Variants in CSMD1 observed in about 807,000 individuals in gnomAD.
CSMD1 encodes the protein CUB and sushi domain-containing protein 1.
In CSMD1, 213 loss-of-function variants were observed where a neutral mutation model predicts 417.5. The observed-to-expected ratio is 0.51, with a 90% CI of 0.46 to 0.57. The LOEUF is 0.57. Ranked by LOEUF, CSMD1 falls within the 20% of genes least tolerant of loss-of-function variation. The probability of loss-of-function intolerance (pLI) is 0.00; values close to 1 mark genes in which losing one functional copy is unlikely to be tolerated. For synonymous variants in CSMD1, 2,862 were observed against 1,736.8 expected (o/e 1.65, Z -16.11); for missense variants, 6,923 against 4,529.7 (o/e 1.53, Z -15.17).
intron 3 of CSMD1, among the ~76,000 whole-genome samples, chr8:4,407,302 G>C (rs555857010): frequency 1.3e-5 from 2 of 152,166 alleles, no homozygotes; most frequent in South Asian, 2.1e-4. Flanking sequence ...TAAAATCACT[G>C]CTATAATATA....
intron 17 of CSMD1, 22 bp downstream of exon 17, chr8:3,396,172 G>C (rs549007680): frequency 6.5e-7 from 1 of 1,549,728 alleles, no homozygotes; most frequent in Non-Finnish European, 8.7e-7. Context: ...CTGCCGGGCT[G>C]TCAAGGGAAG....
At chr8:3,194,753 A>T (rs1796611935) in intron 33 of CSMD1, among the ~76,000 whole-genome samples, 1 of 151,912 alleles carries the variant, frequency 6.6e-6, no homozygotes, top group African/African-American at 2.4e-5. Flanking sequence ...TATAGGCATG[A>T]GCCACCATGA....
At chr8:4,864,702 A>T (rs1802322695) in intron 1 of CSMD1, among the ~76,000 whole-genome samples, 1 of 151,870 alleles carries the variant, frequency 6.6e-6, no homozygotes, top group East Asian at 1.9e-4. Flanking sequence ...GTCTCTGCAG[A>T]AACTACCTTT....
intron 54 of CSMD1, among the ~76,000 whole-genome samples, chr8:2,985,970 G>T (rs28496162): frequency 1.4e-5 from 2 of 142,516 alleles, no homozygotes; most frequent in African/African-American, 5.6e-5. Flanking sequence ...AAGGGGAAGG[G>T]GAAGGGAAAG....
intron 3 of CSMD1, among the ~76,000 whole-genome samples, chr8:4,417,735 C>A (rs1034210705): frequency 1.3e-5 from 2 of 151,934 alleles, no homozygotes; most frequent in Non-Finnish European, 2.9e-5. Context: ...AATTTTGTGA[C>A]TCTAAATCAA....
chr8:3,031,632 C>G (rs930693162), intron 50 of CSMD1, among the ~76,000 whole-genome samples: 1 of 151,836 alleles, frequency 6.6e-6, no homozygotes, highest in African/African-American at 2.4e-5. Flanking sequence ...AGTCTTGGGT[C>G]AAGTGATCCT....
chr8:4,925,926 T>C (rs1563784111), intron 1 of CSMD1, among the ~76,000 whole-genome samples: 1 of 152,214 alleles, frequency 6.6e-6, no homozygotes, highest in Non-Finnish European at 1.5e-5. Context: ...TCCCTGGTCA[T>C]TTGATGCATT....
chr8:4,052,148 C>T (rs147383561), intron 3 of CSMD1, among the ~76,000 whole-genome samples: 2 of 152,030 alleles, frequency 1.3e-5, no homozygotes, highest in African/African-American at 4.8e-5. Context: ...TGGTCTCGAA[C>T]TCCTGACCTG....
chr8:3,261,011 T>C (rs1456871175), intron 26 of CSMD1, among the ~76,000 whole-genome samples: 2 of 151,256 alleles, frequency 1.3e-5, no homozygotes, highest in Non-Finnish European at 2.9e-5. Context: ...AACAAACAAA[T>C]ACCAAAAAAA....
intron 7 of CSMD1, among the ~76,000 whole-genome samples, chr8:3,685,460 G>A (rs1428919539): frequency 6.6e-6 from 1 of 152,114 alleles, no homozygotes; most frequent in Non-Finnish European, 1.5e-5. Context: ...GCTTTAATCG[G>A]ATGCTGCAGC....
rs371423284 is a variant in CSMD1 at position 4,031,875 on chromosome 8, C to G, written c.610+30G>C. 9.1e-5 allele frequency: 143 copies of G among 1,564,080 alleles called. No homozygotes were observed. In the African/African-American group the frequency reaches 1.4e-3, roughly 15 times the overall value. On this transcript the variant is annotated intron_variant, in intron 4 of 69. Transcript: ENST00000635120. ...CAAAACCATTGCCCTGCCCTGGAGTCTGCTCACCAGCCCCCTTGTAGCACT... is the reference window on the plus strand; with the variant it reads ...CAAAACCATTGCCCTGCCCTGGAGTGTGCTCACCAGCCCCCTTGTAGCACT...
chr8:3,143,906 T>C (rs1465723769), intron 40 of CSMD1, among the ~76,000 whole-genome samples: 5 of 152,222 alleles, frequency 3.3e-5, no homozygotes, highest in Non-Finnish European at 7.3e-5. Context: ...CAGAGGGCAG[T>C]ACTTTGTAAA....
intron 26 of CSMD1, among the ~76,000 whole-genome samples, chr8:3,270,046 C>CTTTTTTTTTTTTTTTT (rs200994813): frequency 8.4e-6 from 1 of 118,394 alleles, no homozygotes; most frequent in African/African-American, 3.1e-5. Context: ...CTAACCTCTT[C>CTTTTTTTTTTTTTTTT]TTTTTTTTTT....
At chr8:4,480,556 T>A (rs748194366) in intron 2 of CSMD1, among the ~76,000 whole-genome samples, 1 of 152,096 alleles carries the variant, frequency 6.6e-6, no homozygotes, top group Non-Finnish European at 1.5e-5. Context: ...CAAGCGGAGG[T>A]CCTGTTACTG....
intron 5 of CSMD1, among the ~76,000 whole-genome samples, chr8:3,907,345 G>A (rs888857306): frequency 6.6e-6 from 1 of 152,056 alleles, no homozygotes; most frequent in Non-Finnish European, 1.5e-5. Flanking sequence ...GTTATAATTA[G>A]AAAAAACAAA....
At chr8:4,944,272 A>C (rs545074455) in intron 1 of CSMD1, among the ~76,000 whole-genome samples, 4 of 152,360 alleles carry the variant, frequency 2.6e-5, no homozygotes, top group South Asian at 2.1e-4. Context: ...TGAGGATTCT[A>C]TACTGTGAGT....
At chr8:3,050,579 TACC>T (rs1397003008) in intron 50 of CSMD1, among the ~76,000 whole-genome samples, 2 of 152,204 alleles carry the variant, frequency 1.3e-5, no homozygotes, top group Non-Finnish European at 2.9e-5. Context: ...TCAAAAAACA[TACC>T]AATGTATCTT....
chr8:3,965,654 G>T (rs772181990), intron 5 of CSMD1, among the ~76,000 whole-genome samples: 1 of 151,952 alleles, frequency 6.6e-6, no homozygotes, highest in Non-Finnish European at 1.5e-5. Context: ...GTCTCACCCT[G>T]TCGCCCAGGC....
intron 1 of CSMD1, among the ~76,000 whole-genome samples, chr8:4,798,541 T>G (rs970878911): frequency 6.6e-6 from 1 of 152,308 alleles, no homozygotes; most frequent in African/African-American, 2.4e-5. Flanking sequence ...ATCTGACAAC[T>G]AGTCACAGGC....
Sources: gnomAD v4.1 joint callset for allele counts (sites outside exome capture counted in the v4.1 genomes callset) on GRCh38, gnomAD v4.1.1 for gene constraint, MANE v1.5 for transcripts, NCBI Gene and HGNC (gene_info 2026-07-23, HGNC 2026-07-21) for gene names.